CDK14: variants seen among roughly 807,000 people sequenced by gnomAD.
CDK14 encodes the protein cyclin-dependent kinase 14.
A neutral mutation model predicts 60.7 loss-of-function variants in CDK14; 34 were observed. The observed-to-expected ratio is 0.56, with a 90% CI of 0.43 to 0.75. The LOEUF (loss-of-function observed/expected upper bound fraction) is 0.75, where lower values mean the gene tolerates loss of function less well. Among genes scored for constraint, CDK14 ranks in the 30% least tolerant of loss-of-function variants. The pLI is 0.00. For synonymous variants in CDK14, 197 were observed against 203.7 expected (o/e 0.97, Z 0.28); for missense variants, 482 against 564.1 (o/e 0.85, Z 1.47).
intron 9 of CDK14, among the ~76,000 whole-genome samples, chr7:90,971,648 C>T (rs1389536771): frequency 9.6e-6 from 1 of 104,342 alleles, no homozygotes; most frequent in Admixed American, 1.1e-4. Context: ...ACTGCATATA[C>T]ATAGTAAAAA....
intron 6 of CDK14, 123 bp from the exon 7 acceptor site, chr7:90,899,168 A>G (rs544517828): frequency 7.3e-6 from 5 of 681,040 alleles, no homozygotes; most frequent in Non-Finnish European, 1.2e-5. Flanking sequence ...ACACTGAAAA[A>G]TCCACCCACT....
rs368558674 is a variant in CDK14, at chr7:90,660,251, TAA to T, written c.123+56003_123+56004del. 1.2e-4 allele frequency among the ~76,000 whole-genome samples: 19 copies of T among 152,286 alleles called. No individual in the cohort carries two copies. In the East Asian group the frequency reaches 3.7e-3, roughly 29 times the overall value. ...GTCAAATATTGGCTCTACCATTTAC[TAA>T]TTCTACAATTTGCTAAATCAAATAC... On this transcript the variant is annotated intron_variant, in intron 2 of 14. Coordinates refer to ENST00000380050, the MANE Select transcript of CDK14 (RefSeq NM_001287135.2).
chr7:90,702,002 G>A (rs777435296), intron 2 of CDK14, among the ~76,000 whole-genome samples: 6 of 152,102 alleles, frequency 3.9e-5, no homozygotes, highest in Admixed American at 3.9e-4. Flanking sequence ...GGGGAGGGGC[G>A]CAACTGAGCT....
chr7:91,063,178 C>G (rs1797860456), intron 11 of CDK14, among the ~76,000 whole-genome samples: 1 of 152,156 alleles, frequency 6.6e-6, no homozygotes, highest in Non-Finnish European at 1.5e-5. Context: ...CTAGCTAAAA[C>G]AAGTGAGTTC....
chr7:91,001,597 A>G (rs749591691), intron 10 of CDK14, among the ~76,000 whole-genome samples: 8 of 152,216 alleles, frequency 5.3e-5, no homozygotes, highest in Non-Finnish European at 1.0e-4. Context: ...TCAAATATGA[A>G]TATAAAGAAA....
At chr7:91,031,008 C>CT (rs1796744855) in intron 10 of CDK14, among the ~76,000 whole-genome samples, 1 of 152,198 alleles carries the variant, frequency 6.6e-6, no homozygotes, top group Admixed American at 6.5e-5. Flanking sequence ...ATCAGGAAGG[C>CT]TGTTGTACCA....
At chr7:90,867,331 T>C (rs1358836830) in intron 6 of CDK14, among the ~76,000 whole-genome samples, 1 of 152,216 alleles carries the variant, frequency 6.6e-6, no homozygotes, top group East Asian at 1.9e-4. Flanking sequence ...TTTCTTCTAC[T>C]TAAACAGAAA....
At chr7:91,078,277 G>T (rs1798381361) in intron 11 of CDK14, among the ~76,000 whole-genome samples, 1 of 152,116 alleles carries the variant, frequency 6.6e-6, no homozygotes, top group Admixed American at 6.6e-5. Context: ...ATAAATTATG[G>T]TACTTCTATT....
intron 5 of CDK14, among the ~76,000 whole-genome samples, chr7:90,812,442 G>A (rs1446762171): frequency 6.6e-6 from 1 of 151,970 alleles, no homozygotes; most frequent in Non-Finnish European, 1.5e-5. Context: ...ACAGGAAGGG[G>A]CATATCACAC....
At chr7:90,652,738 G>A (rs908630257) in intron 2 of CDK14, among the ~76,000 whole-genome samples, 1 of 152,158 alleles carries the variant, frequency 6.6e-6, no homozygotes. Context: ...TTCTGAAATA[G>A]TTACTCTAGT....
At chr7:90,773,845 TC>T (rs1804888508) in intron 4 of CDK14, among the ~76,000 whole-genome samples, 1 of 34,060 alleles carries the variant, frequency 2.9e-5, no homozygotes, top group Non-Finnish European at 7.0e-5. Flanking sequence ...TTCTCTTCCC[TC>T]CTCTCCTCTC....
At chr7:90,711,292 G>T (rs1056854504) in intron 2 of CDK14, among the ~76,000 whole-genome samples, 3 of 152,006 alleles carry the variant, frequency 2.0e-5, no homozygotes, top group Non-Finnish European at 2.9e-5. Flanking sequence ...TTACTGTTGA[G>T]GTTGGACATT....
chr7:90,734,250 TTCATTTCAGCCTTGGTGAC>T (rs1390279073), intron 3 of CDK14, among the ~76,000 whole-genome samples: 2 of 152,302 alleles, frequency 1.3e-5, no homozygotes, highest in African/African-American at 4.8e-5. Flanking sequence ...CATTTTTTCC[TTCATTTCAGCCTTGGTGAC>T]TCTGAGGATT....
chr7:90,596,921 G>A (rs1229943026), intron 1 of CDK14, among the ~76,000 whole-genome samples: 1 of 152,108 alleles, frequency 6.6e-6, no homozygotes, highest in Non-Finnish European at 1.5e-5. Flanking sequence ...GGATCTGGGG[G>A]TTCATTTGTA....
Position 90,884,550 on chromosome 7 carries a change from C to T in CDK14, c.640-14741C>T, listed in dbSNP as rs1238511395. 4.6e-5 allele frequency among the ~76,000 whole-genome samples: 7 copies of T among 152,164 alleles called. 1 individual carries two copies. The East Asian group carries it at 1.3e-3, about 29-fold the overall frequency. ...ATTCAATGGTATCCCCATCAATCTA[C>T]CACTGACATTCTTCACAGTGTTAGA... On this transcript the variant is annotated intron_variant, in intron 6 of 14. Coordinates refer to ENST00000380050, the MANE Select transcript of CDK14 (RefSeq NM_001287135.2).
intron 9 of CDK14, among the ~76,000 whole-genome samples, chr7:90,967,199 G>GAAGGAAGA (rs1794779451): frequency 6.6e-6 from 1 of 150,494 alleles, no homozygotes; most frequent in Non-Finnish European, 1.5e-5. Flanking sequence ...AGGAAGGAAG[G>GAAGGAAGA]AAGAAAGGAA....
intron 4 of CDK14, among the ~76,000 whole-genome samples, chr7:90,787,502 A>T (rs1448461939): frequency 6.6e-6 from 1 of 152,224 alleles, no homozygotes; most frequent in African/African-American, 2.4e-5. Flanking sequence ...TGGAAATAAT[A>T]CTTTTAGTAA....
At chr7:90,720,725 A>G (rs1802418529) in intron 2 of CDK14, among the ~76,000 whole-genome samples, 1 of 152,078 alleles carries the variant, frequency 6.6e-6, no homozygotes. Flanking sequence ...ATTCTTTTTT[A>G]TACCTTTCTA....
chr7:90,839,105 T>G (rs1790207809), intron 5 of CDK14, among the ~76,000 whole-genome samples: 1 of 152,182 alleles, frequency 6.6e-6, no homozygotes, highest in Non-Finnish European at 1.5e-5. Context: ...GGCTGACACT[T>G]AGGGAAAATA....
Sources: gnomAD v4.1 joint callset for allele counts (sites outside exome capture counted in the v4.1 genomes callset) on GRCh38, gnomAD v4.1.1 for gene constraint, MANE v1.5 for transcripts, NCBI Gene and HGNC (gene_info 2026-07-23, HGNC 2026-07-21) for gene names.